The following MED26 variants were observed in gnomAD, a reference collection of about 807,000 sequenced individuals.
MED26 encodes mediator complex subunit 26, also known as mediator of RNA polymerase II transcription subunit 26.
A neutral mutation model predicts 43.7 loss-of-function variants in MED26; 7 were observed. The observed-to-expected ratio is 0.16, with a 90% CI of 0.09 to 0.30. MED26 has a LOEUF of 0.30. Among genes scored for constraint, MED26 ranks in the 10% least tolerant of loss-of-function variants. The pLI is 1.00. For synonymous variants in MED26, 375 were observed against 371.1 expected, an observed-to-expected ratio of 1.01 and a Z score of -0.12; for missense variants, 784 against 840.6, an observed-to-expected ratio of 0.93 and a Z score of 0.83.
chr19:16,590,640 A>G (rs1368575099), intron 1 of MED26, among the ~76,000 whole-genome samples: 1 of 152,194 alleles, frequency 6.6e-6, no homozygotes, highest in Non-Finnish European at 1.5e-5. Flanking sequence ...TTTCTTTGCT[A>G]CCTTGATTGT....
At position 16,574,991 on chromosome 19, in the gene MED26, G is replaced by A. The variant is rs1314286490; in HGVS notation, c.*1036C>T. 6.6e-6 allele frequency: 1 copy of A among 151,194 alleles called. No homozygotes were observed. Among genetic ancestry groups the A allele is most frequent in the Non-Finnish European group, 1.5e-5 (1 of 67,868 alleles). 9.4% of individuals were successfully genotyped at this position (151,194 alleles called of 1,614,324 possible). A position where few individuals can be genotyped will look rare whatever the true frequency, so the allele number is the denominator to read the frequency against. ...ACTTACTGGACCAAATAGCAAAGTT[G>A]CTCCCTTCTGCGTCCTGAGAACACA... is the stretch of plus-strand genomic sequence containing the variant. On this transcript the variant is annotated 3_prime_UTR_variant, in exon 3 of 3. Coordinates refer to ENST00000263390, the MANE Select transcript of MED26 (RefSeq NM_004831.5).
chr19:16,582,698 CAG>C (rs913299951), intron 1 of MED26, among the ~76,000 whole-genome samples: 10 of 152,080 alleles, frequency 6.6e-5, no homozygotes, highest in African/African-American at 2.4e-4. Context: ...AGGCAGGCCA[CAG>C]GGGGAGGGCA....
At chr19:16,617,047 C>T (rs749649881) in intron 1 of MED26, among the ~76,000 whole-genome samples, 3 of 152,130 alleles carry the variant, frequency 2.0e-5, no homozygotes, top group Non-Finnish European at 4.4e-5. Flanking sequence ...AGCCCACCAC[C>T]CGACCAGATA....
chr19:16,609,436 T>C (rs908665370), intron 1 of MED26, among the ~76,000 whole-genome samples: 6 of 151,196 alleles, frequency 4.0e-5, no homozygotes, highest in African/African-American at 9.7e-5. Flanking sequence ...TGAGAAGCAA[T>C]TGGCTATATG....
intron 1 of MED26, among the ~76,000 whole-genome samples, chr19:16,597,657 G>T (rs927267722): frequency 2.0e-5 from 3 of 152,176 alleles, no homozygotes; most frequent in African/African-American, 7.2e-5. Flanking sequence ...TGGGCTGCTT[G>T]GTGCAGCCTT....
intron 1 of MED26, among the ~76,000 whole-genome samples, chr19:16,583,351 A>G (rs1281102504): frequency 6.6e-6 from 1 of 152,256 alleles, no homozygotes; most frequent in East Asian, 1.9e-4. Context: ...GGGACCCCTC[A>G]ATAGATGCAG....
At chr19:16,594,700 A>G (rs1329483072) in intron 1 of MED26, among the ~76,000 whole-genome samples, 2 of 152,030 alleles carry the variant, frequency 1.3e-5, no homozygotes, top group Non-Finnish European at 2.9e-5. Context: ...CCTCTTCAAT[A>G]TTTTAAACCT....
chr19:16,607,595 C>T (rs1340723893), intron 1 of MED26, among the ~76,000 whole-genome samples: 1 of 152,210 alleles, frequency 6.6e-6, no homozygotes, highest in East Asian at 1.9e-4. Flanking sequence ...GTGGTCACTT[C>T]AACCCCGGAG....
intron 1 of MED26, among the ~76,000 whole-genome samples, chr19:16,625,780 G>C (rs1253252461): frequency 6.6e-6 from 1 of 152,116 alleles, no homozygotes. Context: ...GTTTCTGCAT[G>C]GTGTTTGCTC....
intron 1 of MED26, among the ~76,000 whole-genome samples, chr19:16,623,540 A>G (rs2086260619): frequency 6.6e-6 from 1 of 152,232 alleles, no homozygotes; most frequent in Non-Finnish European, 1.5e-5. Flanking sequence ...GCTAGTTGCC[A>G]CACCGTGGTC....
chr19:16,576,324 C>T lies in MED26; in HGVS notation c.1506G>A (p.Ala502=), dbSNP rs770358182. The T allele has an allele frequency of 1.1e-5, 18 of 1,613,442 alleles. No homozygotes were observed. The highest frequency in any genetic ancestry group is 6.7e-5 in the Admixed American group (4 of 59,982). ...TGAAGTGGTGAGCCCCTGGGGTCTG[C>T]GCGCCCGATGATGAGAGCAGGCTGC... The part of the protein sequence containing the change: ...RQSSLLSSSG[A]QTPGAHHFMS... The change falls in exon 3 of 3, where the codon GCG becomes GCA. Residue 502 remains alanine, a synonymous_variant. Transcript: ENST00000263390. The surrounding 1 kb of genome is among the most constrained non-coding windows in gnomAD (Gnocchi z 6.8).
At chr19:16,627,210 C>A (rs1394355210) in intron 1 of MED26, among the ~76,000 whole-genome samples, 1 of 152,154 alleles carries the variant, frequency 6.6e-6, no homozygotes, top group African/African-American at 2.4e-5. Flanking sequence ...AGAAAGGCAA[C>A]AGGAAGGATC....
chr19:16,624,925 G>A (rs2086267542), intron 1 of MED26, among the ~76,000 whole-genome samples: 1 of 152,192 alleles, frequency 6.6e-6, no homozygotes, highest in South Asian at 2.1e-4. Context: ...GTGCTGCACA[G>A]GAAGATAAAG....
In MED26 at chr19:16,582,447, C is replaced by G. The variant is rs118132899; in HGVS notation, c.73-4038G>C. Reference sequence around the variant, plus strand: ...GATGGCCACAGTCTGTCCCAAAGAACACTTAGCACCCAATTGGTGCTGGTC... The same window carrying G: ...GATGGCCACAGTCTGTCCCAAAGAAGACTTAGCACCCAATTGGTGCTGGTC... On this transcript the variant is annotated intron_variant, in intron 1 of 2. Transcript: ENST00000263390. Among the ~76,000 whole-genome samples the G allele has an allele frequency of 7.3e-3, 1,112 of 152,380 alleles. 5 individuals carry two copies. The highest frequency in any genetic ancestry group is 0.02 in the Middle Eastern group (6 of 294).
In MED26 at chr19:16,576,145, C is replaced by T. The variant is rs1253135581; in HGVS notation, c.1685G>A (p.Gly562Glu). 4 of 1,613,876 alleles carry T rather than the reference C, an allele frequency of 2.5e-6. No individual in the cohort carries two copies. The South Asian group carries it at 3.3e-5, about 13-fold the overall frequency. ...LDRIQASQWP[G>E]VNGCQDTQGN... ...CTGTGTGTCCTGACACCCGTTCACCCCCGGCCACTGGCTGGCCTGGATTCT... is the reference window on the plus strand; with the variant it reads ...CTGTGTGTCCTGACACCCGTTCACCTCCGGCCACTGGCTGGCCTGGATTCT... The change falls in exon 3 of 3, where the codon GGG becomes GAG. Residue 562 changes from glycine to glutamate, a missense_variant. Gly to Glu is a moderately conservative substitution (Grantham distance 98). Coordinates refer to ENST00000263390, the MANE Select transcript of MED26 (RefSeq NM_004831.5). This position sits in a 1 kb window ranked among gnomAD's most constrained non-coding sequence, Gnocchi z 6.8.
chr19:16,607,375 GAAAAAAA>G (rs898413432), intron 1 of MED26, among the ~76,000 whole-genome samples: 8 of 111,498 alleles, frequency 7.2e-5, no homozygotes, highest in African/African-American at 2.0e-4. Context: ...CTTTTGTGGG[GAAAAAAA>G]AAAAAAAAAA....
At chr19:16,592,945 A>C (rs1383079030) in intron 1 of MED26, among the ~76,000 whole-genome samples, 2 of 152,206 alleles carry the variant, frequency 1.3e-5, no homozygotes, top group African/African-American at 4.8e-5. Context: ...AACAAGTTGC[A>C]CCACCACCCC....
rs749026182 is a variant in MED26 at position 16,577,150 on chromosome 19, CGCACGGCGT to C, written c.671_679del (p.Asn224_Val226del). 1.9e-6 allele frequency: 3 copies of C among 1,613,300 alleles called. No homozygotes were observed. The Admixed American group carries it at 5.0e-5, about 27-fold the overall frequency. On this transcript the variant is annotated inframe_deletion, in exon 3 of 3. Transcript: ENST00000263390. The surrounding 1 kb of genome is among the most constrained non-coding windows in gnomAD (Gnocchi z 8.1). ...CAGGCCCGGGGAGCTGGTGTGCGGT[CGCACGGCGT>C]TGACGGGGATCTTGCCACTGTGCTT... is the stretch of plus-strand genomic sequence containing the variant.
chr19:16,624,513 C>T (rs2086265103), intron 1 of MED26: 2 of 152,260 alleles, frequency 1.3e-5, no homozygotes, highest in African/African-American at 4.8e-5. Context: ...GAACACAGGG[C>T]ATTCACCTGC....
Sources: gnomAD v4.1 joint callset for allele counts (sites outside exome capture counted in the v4.1 genomes callset) on GRCh38, gnomAD v4.1.1 for gene constraint, Gnocchi (gnomAD v3.1) non-coding constraint, MANE v1.5 for transcripts, NCBI Gene and HGNC (gene_info 2026-07-23, HGNC 2026-07-21) for gene names.